The following CPEB3 variants were observed in gnomAD, a reference collection of about 807,000 sequenced individuals.
CPEB3 encodes the protein cytoplasmic polyadenylation element-binding protein 3.
CPEB3 carries 20 observed loss-of-function variants against 67.2 expected under a neutral mutation model. That is an observed-to-expected ratio of 0.30 (90% CI 0.21 to 0.43). The LOEUF is 0.43. Among genes scored for constraint, CPEB3 ranks in the 20% least tolerant of loss-of-function variants. The probability of loss-of-function intolerance (pLI) is 1.00; values close to 1 mark genes in which losing one functional copy is unlikely to be tolerated. For synonymous variants in CPEB3, 376 were observed against 393.1 expected, an observed-to-expected ratio of 0.96 and a Z score of 0.51; for missense variants, 746 against 968.6, an observed-to-expected ratio of 0.77 and a Z score of 3.05.
intron 1 of CPEB3, among the ~76,000 whole-genome samples, chr10:92,270,556 T>G: frequency 6.8e-6 from 1 of 147,542 alleles, no homozygotes; most frequent in Non-Finnish European, 1.5e-5. Context: ...AGGTTTTATA[T>G]TACTTTTTTT....
chr10:92,165,387 T>G (rs927042920), intron 4 of CPEB3, among the ~76,000 whole-genome samples: 1 of 144,206 alleles, frequency 6.9e-6, no homozygotes, highest in Non-Finnish European at 1.5e-5. Context: ...ATTCAGCAAG[T>G]TGTCACTTTT....
rs1844707793 is a variant in CPEB3 at position 92,110,945 on chromosome 10, T to C, written c.1572+131A>G. 6.8e-6 allele frequency: 5 copies of C among 737,836 alleles called. No individual in the cohort carries two copies. In the African/African-American group the frequency reaches 8.7e-5, roughly 13 times the overall value. 45.7% of individuals were successfully genotyped at this position (737,836 alleles called of 1,614,324 possible). ...CCCATCACCAACGAAAGTCCAACTC[T>C]ACTGCATAGCAAGGCCAAGCTGGGT... is the stretch of plus-strand genomic sequence containing the variant. On this transcript the variant is annotated intron_variant, in intron 7 of 9. Coordinates refer to ENST00000265997, the MANE Select transcript of CPEB3 (RefSeq NM_014912.5).
intron 6 of CPEB3, among the ~76,000 whole-genome samples, chr10:92,124,780 G>A (rs967395345): frequency 3.3e-5 from 5 of 152,202 alleles, no homozygotes; most frequent in African/African-American, 1.2e-4. Flanking sequence ...TTCAAGTTAT[G>A]CTACAAGGGA....
chr10:92,180,890 A>G, intron 4 of CPEB3, 73 bp downstream of exon 4: 1 of 829,314 alleles, frequency 1.2e-6, no homozygotes, highest in Non-Finnish European at 2.1e-6. Flanking sequence ...TGTAACCAAC[A>G]ATCAAGAATG....
chr10:92,251,190 A>G (rs1190563291), intron 1 of CPEB3, among the ~76,000 whole-genome samples: 1 of 152,178 alleles, frequency 6.6e-6, no homozygotes, highest in Admixed American at 6.5e-5. Flanking sequence ...AGTAGGCTCT[A>G]CCATCTAGGT....
chr10:92,056,817 C>T (rs763406192), intron 9 of CPEB3, among the ~76,000 whole-genome samples: 5 of 152,204 alleles, frequency 3.3e-5, no homozygotes, highest in Non-Finnish European at 5.9e-5. Context: ...AAAGAGACCT[C>T]TTCCTTCAGT....
At chr10:92,194,858 G>A (rs909577078) in intron 2 of CPEB3, among the ~76,000 whole-genome samples, 1 of 152,078 alleles carries the variant, frequency 6.6e-6, no homozygotes, top group Non-Finnish European at 1.5e-5. Flanking sequence ...TGGCTAACAT[G>A]GTGAAACTCC....
intron 7 of CPEB3, among the ~76,000 whole-genome samples, chr10:92,109,008 AAGT>A (rs1185550719): frequency 2.0e-5 from 3 of 152,144 alleles, no homozygotes; most frequent in Non-Finnish European, 4.4e-5. Flanking sequence ...GATTCTTCCA[AAGT>A]ATATAAACTC....
intron 6 of CPEB3, among the ~76,000 whole-genome samples, chr10:92,134,957 C>A (rs1468396974): frequency 6.6e-6 from 1 of 152,082 alleles, no homozygotes; most frequent in Admixed American, 6.5e-5. Context: ...AACTGGCTAG[C>A]CATATGTAGA....
chr10:92,059,952 CA>C (rs557616121), intron 9 of CPEB3, among the ~76,000 whole-genome samples: 1,857 of 60,768 alleles, frequency 0.031, 14 homozygotes, highest in African/African-American at 0.075. Flanking sequence ...CGAGACTCCT[CA>C]AAAAAAAAAA....
At chr10:92,103,278 G>A (rs752928233) in intron 7 of CPEB3, among the ~76,000 whole-genome samples, 55 of 152,282 alleles carry the variant, frequency 3.6e-4, no homozygotes, top group African/African-American at 1.2e-3. Flanking sequence ...ATGCTGCTTC[G>A]TCACTCAGAA....
chr10:92,229,510 C>T (rs1444412929), intron 2 of CPEB3, among the ~76,000 whole-genome samples: 1 of 152,184 alleles, frequency 6.6e-6, no homozygotes, highest in Non-Finnish European at 1.5e-5. Context: ...AAAAATCTAA[C>T]TCTTAAGATA....
At chr10:92,279,762 G>T (rs1842172820) in intron 1 of CPEB3, among the ~76,000 whole-genome samples, 1 of 152,160 alleles carries the variant, frequency 6.6e-6, no homozygotes, top group African/African-American at 2.4e-5. Flanking sequence ...AAAAACTAGG[G>T]AGGCCAAGAT....
chr10:92,088,342 T>C (rs1843464889), intron 8 of CPEB3, among the ~76,000 whole-genome samples: 1 of 150,910 alleles, frequency 6.6e-6, no homozygotes, highest in South Asian at 2.1e-4. Flanking sequence ...TTCTCCTGCC[T>C]CAGCCCCCCA....
chr10:92,289,732 A>AAAAAATATAT, intron 1 of CPEB3, among the ~76,000 whole-genome samples: 2 of 75,766 alleles, frequency 2.6e-5, no homozygotes, highest in Non-Finnish European at 5.1e-5. Context: ...AAAAAAAAAA[A>AAAAAATATAT]ATATATATAT....
At chr10:92,264,735 C>A (rs1590573501) in intron 1 of CPEB3, among the ~76,000 whole-genome samples, 1 of 148,216 alleles carries the variant, frequency 6.7e-6, no homozygotes, top group Non-Finnish European at 1.5e-5. Flanking sequence ...AAAAAAAAAT[C>A]ATTTGACTGA....
chr10:92,192,323 T>TA (rs974253753), intron 3 of CPEB3, among the ~76,000 whole-genome samples, 154 bp downstream of exon 3: 56 of 151,984 alleles, frequency 3.7e-4, no homozygotes, highest in Middle Eastern at 3.4e-3. Context: ...GAACCCAGGT[T>TA]AAAAAAAATC....
intron 2 of CPEB3, among the ~76,000 whole-genome samples, chr10:92,215,151 A>ATTTT (rs79149383): frequency 8.1e-6 from 1 of 123,174 alleles, no homozygotes; most frequent in East Asian, 2.4e-4. Context: ...CCAAGCCAAG[A>ATTTT]TTTTTTTTTT....
chr10:92,229,770 C>T (rs1050466950), intron 2 of CPEB3, among the ~76,000 whole-genome samples: 2 of 152,274 alleles, frequency 1.3e-5, no homozygotes, highest in East Asian at 1.9e-4. Context: ...ACGGGCCAGG[C>T]GCAGTGGCTT....
Sources: gnomAD v4.1 joint callset for allele counts (sites outside exome capture counted in the v4.1 genomes callset) on GRCh38, gnomAD v4.1.1 for gene constraint, MANE v1.5 for transcripts, NCBI Gene and HGNC (gene_info 2026-07-23, HGNC 2026-07-21) for gene names.